OR9Q1: variants seen among roughly 807,000 people sequenced by gnomAD.
OR9Q1 encodes olfactory receptor family 9 subfamily Q member 1, also known as olfactory receptor 9Q1.
For synonymous variants in OR9Q1, 153 were observed against 148.6 expected, an observed-to-expected ratio of 1.03 and a Z score of -0.22; for missense variants, 374 against 378.8, an observed-to-expected ratio of 0.99 and a Z score of 0.11.
chr11:58,119,185 G>A (rs775150862), intron 2 of OR9Q1: 1 of 1,614,022 alleles, frequency 6.2e-7, no homozygotes. Flanking sequence ...CGTTTTGCCT[G>A]TGGCCAATGT....
chr11:58,176,637 A>G (rs887349923), intron 2 of OR9Q1, among the ~76,000 whole-genome samples: 16 of 152,300 alleles, frequency 1.1e-4, no homozygotes, highest in African/African-American at 3.9e-4. Context: ...GCGGAAAAGA[A>G]GTGGCTAGAA....
At chr11:58,156,050 T>C (rs1854404766) in intron 2 of OR9Q1, among the ~76,000 whole-genome samples, 1 of 152,012 alleles carries the variant, frequency 6.6e-6, no homozygotes, top group Admixed American at 6.6e-5. Context: ...GTAGCTGGGA[T>C]TCCAGGCACC....
intron 1 of OR9Q1, among the ~76,000 whole-genome samples, chr11:58,042,114 C>A (rs4938884): frequency 0.14 from 21,156 of 152,110 alleles, 1,778 homozygotes; most frequent in South Asian, 0.22. Context: ...ACCGTGCTAC[C>A]CTTCTCTAAA....
At chr11:58,101,832 C>A (rs56160469) in intron 2 of OR9Q1, among the ~76,000 whole-genome samples, 2 of 152,038 alleles carry the variant, frequency 1.3e-5, no homozygotes, top group Admixed American at 1.3e-4. Context: ...CTGCAACTTC[C>A]GCCTCCCAGG....
At chr11:58,160,281 C>A (rs953406021) in intron 2 of OR9Q1, among the ~76,000 whole-genome samples, 11 of 152,078 alleles carry the variant, frequency 7.2e-5, no homozygotes. Context: ...ATCTGAGAAC[C>A]CATGAGTGAT....
chr11:58,138,818 A>G (rs1854213574), intron 2 of OR9Q1, among the ~76,000 whole-genome samples: 1 of 152,204 alleles, frequency 6.6e-6, no homozygotes, highest in South Asian at 2.1e-4. Context: ...TGAAATATAC[A>G]TTATTAATAA....
chr11:58,061,949 C>T (rs1037907788), intron 2 of OR9Q1, among the ~76,000 whole-genome samples: 1 of 152,114 alleles, frequency 6.6e-6, no homozygotes, highest in East Asian at 1.9e-4. Context: ...AACCTACTTG[C>T]CAATCTCAAA....
intron 1 of OR9Q1, among the ~76,000 whole-genome samples, chr11:58,034,720 C>T (rs949798786): frequency 3.0e-5 from 2 of 66,680 alleles, no homozygotes; most frequent in African/African-American, 4.9e-5. Context: ...CACTGTCTGT[C>T]TTAAGGTTTC....
intron 2 of OR9Q1, among the ~76,000 whole-genome samples, chr11:58,177,648 G>A (rs545638652): frequency 2.0e-5 from 3 of 152,240 alleles, no homozygotes; most frequent in African/African-American, 7.2e-5. Context: ...CCCAAGAATG[G>A]CTTATGGGCT....
At chr11:58,087,194 T>A (rs1946861681) in intron 2 of OR9Q1, among the ~76,000 whole-genome samples, 1 of 151,752 alleles carries the variant, frequency 6.6e-6, no homozygotes, top group Non-Finnish European at 1.5e-5. Flanking sequence ...TTTTGAAGTA[T>A]AACATTCAGA....
intron 2 of OR9Q1, among the ~76,000 whole-genome samples, chr11:58,070,635 T>C (rs1853478682): frequency 6.6e-6 from 1 of 152,202 alleles, no homozygotes; most frequent in African/African-American, 2.4e-5. Flanking sequence ...ATAAATTCTG[T>C]GGACATGGTG....
Position 58,158,410 on chromosome 11 carries a change from G to A in OR9Q1, c.-14-21021G>A, listed in dbSNP as rs137956698. ...TGGGTCATGTGATATAAACATAGCC[G>A]CCTAGGTCTGCTTTTTTTTTTTTTT... On this transcript the variant is annotated intron_variant, in intron 2 of 2. Coordinates refer to ENST00000335397, the MANE Select transcript of OR9Q1 (RefSeq NM_001005212.4). Among the ~76,000 whole-genome samples, 724 of 139,002 alleles carry A rather than the reference G, an allele frequency of 5.2e-3. 5 individuals carry two copies. Among genetic ancestry groups the A allele is most frequent in the Middle Eastern group, 0.049 (13 of 268 alleles). The allele number at this position is 139,002 out of a possible 152,430, so 91.2% of individuals were successfully genotyped here.
In OR9Q1 at chr11:58,109,179, C is replaced by A. The variant is rs779107161; in HGVS notation, c.-15+53232C>A. 3 of 487,826 alleles carry A rather than the reference C, an allele frequency of 6.1e-6. No individual in the cohort carries two copies. In the East Asian group the frequency reaches 1.9e-4, roughly 31 times the overall value. The allele number at this position is 487,826 out of a possible 1,614,324, so 30.2% of individuals were successfully genotyped here. On this transcript the variant is annotated intron_variant, in intron 2 of 2. Transcript: ENST00000335397. ...AACAGAAGGAGAGGGTGAAGGTGCA[C>A]GTGGTATGCAGAATGGCCCCTGACA...
intron 2 of OR9Q1, among the ~76,000 whole-genome samples, chr11:58,081,981 C>A (rs527855131): frequency 6.6e-6 from 1 of 152,154 alleles, no homozygotes; most frequent in South Asian, 2.1e-4. Context: ...AGGTCTTCTT[C>A]ATTTATGCAG....
At chr11:58,030,017 CT>C (rs1356270424) in intron 1 of OR9Q1, among the ~76,000 whole-genome samples, 1 of 151,862 alleles carries the variant, frequency 6.6e-6, no homozygotes, top group Non-Finnish European at 1.5e-5. Flanking sequence ...AACTTTTGTA[CT>C]TTTAATAGAG....
At chr11:58,175,172 C>G (rs886652075) in intron 2 of OR9Q1, among the ~76,000 whole-genome samples, 2 of 148,760 alleles carry the variant, frequency 1.3e-5, no homozygotes, top group African/African-American at 5.0e-5. Context: ...AAATTTTTAG[C>G]CTCTCAGTGG....
At chr11:58,098,476 A>C (rs1565075369) in intron 2 of OR9Q1, among the ~76,000 whole-genome samples, 1 of 151,938 alleles carries the variant, frequency 6.6e-6, no homozygotes, top group Non-Finnish European at 1.5e-5. Flanking sequence ...GCCTTTTACT[A>C]ATCTTTTCAA....
intron 1 of OR9Q1, among the ~76,000 whole-genome samples, chr11:58,050,651 G>C (rs1451457402): frequency 7.8e-6 from 1 of 127,932 alleles, no homozygotes; most frequent in Non-Finnish European, 1.7e-5. Flanking sequence ...TACCGTCAGA[G>C]TGAACAGGCA....
chr11:58,081,204 A>G (rs947410093), intron 2 of OR9Q1, among the ~76,000 whole-genome samples: 1 of 152,032 alleles, frequency 6.6e-6, no homozygotes, highest in Non-Finnish European at 1.5e-5. Context: ...CATTTTCTTA[A>G]TCCAGTCTAT....
Sources: gnomAD v4.1 joint callset for allele counts (sites outside exome capture counted in the v4.1 genomes callset) on GRCh38, gnomAD v4.1.1 for gene constraint, MANE v1.5 for transcripts, NCBI Gene and HGNC (gene_info 2026-07-23, HGNC 2026-07-21) for gene names.